TMEM201: variants seen among roughly 807,000 people sequenced by gnomAD.
TMEM201 encodes the protein transmembrane protein 201.
TMEM201 carries 26 observed loss-of-function variants against 63.4 expected under a neutral mutation model. The observed-to-expected ratio is 0.41, with a 90% CI of 0.30 to 0.57. The LOEUF is 0.57. Among genes scored for constraint, TMEM201 ranks in the 20% least tolerant of loss-of-function variants. TMEM201 has a pLI of 0.29. For missense variants in TMEM201, 794 were observed against 917.7 expected (o/e 0.87, Z 1.74); for synonymous variants, 417 against 421.6 (o/e 0.99, Z 0.14).
rs1643873646 is a variant in TMEM201 at position 9,588,971 on chromosome 1, C to T, written c.41C>T (p.Ala14Val). 1.6e-6 allele frequency: 2 copies of T among 1,246,802 alleles called. No individual in the cohort carries two copies. Among genetic ancestry groups the T allele is most frequent in the Non-Finnish European group, 1.0e-6 (1 of 979,254 alleles). The allele number at this position is 1,246,802 out of a possible 1,614,324, so 77.2% of individuals were successfully genotyped here. A position where few individuals can be genotyped will look rare whatever the true frequency, so the allele number is the denominator to read the frequency against. The change falls in exon 1 of 11, where the codon GCC becomes GTC. Residue 14 changes from alanine to valine, a missense_variant. Ala to Val is a moderately conservative substitution (Grantham distance 64). Transcript: ENST00000340381. The stretch of plus-strand genomic sequence containing the variant: ...GCGCTGCTGGCCCGCTGCCCCACGG[C>T]CGGCCTGGCCGGCGGCCTGGGGGTC... ...VSALLARCPTAGLAGGLGVTA... is the reference protein window; with the variant it reads ...VSALLARCPTVGLAGGLGVTA...
rs1314687478 is a variant in TMEM201 at position 9,608,572 on chromosome 1, G to A, written c.1393+783G>A. Among the ~76,000 whole-genome samples the A allele has an allele frequency of 4.6e-5, 7 of 152,228 alleles. No homozygotes were observed. Among genetic ancestry groups the A allele is most frequent in the South Asian group, 4.1e-4 (2 of 4,834 alleles). On this transcript the variant is annotated intron_variant, in intron 7 of 10. Transcript: ENST00000340381. The surrounding 1 kb of genome is among the most constrained non-coding windows in gnomAD (Gnocchi z 4.3). ...ATTTTCAGGGCACCCCAGCCTGGTG[G>A]CACTTGAATGGAACTTGGGGTGGGA... is the stretch of plus-strand genomic sequence containing the variant.
At position 9,603,373 on chromosome 1, in the gene TMEM201, C is replaced by T. The variant is rs746883595; in HGVS notation, c.1160+1101C>T. 4 of 985,372 alleles carry T rather than the reference C, an allele frequency of 4.1e-6. No homozygotes were observed. Among genetic ancestry groups the T allele is most frequent in the East Asian group, 1.1e-4 (1 of 8,810 alleles). The allele number at this position is 985,372 out of a possible 1,614,324, so 61.0% of individuals were successfully genotyped here. On this transcript the variant is annotated intron_variant, in intron 6 of 10. Transcript: ENST00000340381. The surrounding 1 kb of genome is among the most constrained non-coding windows in gnomAD (Gnocchi z 4.5). ...GCTCATGAGGACACACTCTGGAAGT[C>T]GAGGGGCTGCCACGTGCAGAGGAAG...
In TMEM201 at chr1:9,605,364, C is replaced by A. The variant is rs775817306; in HGVS notation, c.1161-2193C>A. On this transcript the variant is annotated intron_variant, in intron 6 of 10. Coordinates refer to ENST00000340381, the MANE Select transcript of TMEM201 (RefSeq NM_001130924.3). This position sits in a 1 kb window ranked among gnomAD's most constrained non-coding sequence, Gnocchi z 5.7. Reference sequence around the variant, plus strand: ...CAGGCCTGATCCTGGCCTCTTAGTCCCTCTCTGACACTCCCCAGAGCCAGC... The same window carrying A: ...CAGGCCTGATCCTGGCCTCTTAGTCACTCTCTGACACTCCCCAGAGCCAGC... 6.6e-6 allele frequency among the ~76,000 whole-genome samples: 1 copy of A among 152,146 alleles called. No homozygotes were observed. The highest frequency in any genetic ancestry group is 1.5e-5 in the Non-Finnish European group (1 of 68,024).
Position 9,589,022 on chromosome 1 carries a change from T to C in TMEM201, c.92T>C (p.Leu31Ser). The change falls in exon 1 of 11, where the codon TTG becomes TCG. Residue 31 changes from leucine to serine, a missense_variant. Coordinates refer to ENST00000340381, the MANE Select transcript of TMEM201 (RefSeq NM_001130924.3). ...ACGGCGTGCGCCGCGGCCGGCGTGT[T>C]GCTCTACCGGATCGCGCGGAGGTGA... ...GVTACAAAGV[L>S]LYRIARRMKP... The C allele has an allele frequency of 8.6e-7, 1 of 1,158,938 alleles. No individual in the cohort carries two copies. The highest frequency in any genetic ancestry group is 5.4e-5 in the East Asian group (1 of 18,468). The allele number at this position is 1,158,938 out of a possible 1,614,324, so 71.8% of individuals were successfully genotyped here. A position where few individuals can be genotyped will look rare whatever the true frequency, so the allele number is the denominator to read the frequency against.
intron 1 of TMEM201, among the ~76,000 whole-genome samples, chr1:9,594,032 C>T (rs931602629): frequency 2.0e-5 from 3 of 152,250 alleles, no homozygotes; most frequent in Non-Finnish European, 2.9e-5. Flanking sequence ...TTCATGTAGT[C>T]GGCGCCCGGT....
Position 9,604,651 on chromosome 1 carries a change from C to G in TMEM201, c.1160+2379C>G, listed in dbSNP as rs1429785696. 1 of 985,566 alleles carries G rather than the reference C, an allele frequency of 1.0e-6. No individual in the cohort carries two copies. Among genetic ancestry groups the G allele is most frequent in the Admixed American group, 6.1e-5 (1 of 16,266 alleles). 61.1% of individuals were successfully genotyped at this position (985,566 alleles called of 1,614,324 possible). A position where few individuals can be genotyped will look rare whatever the true frequency, so the allele number is the denominator to read the frequency against. On this transcript the variant is annotated intron_variant, in intron 6 of 10. Transcript: ENST00000340381. The surrounding 1 kb of genome is among the most constrained non-coding windows in gnomAD (Gnocchi z 4.1). ...CCCTGAGACATAAGCGAGGTAGATT[C>G]AGCCATCCTCACCCTCAGACTTGAG...
At chr1:9,598,948 C>CT (rs1244673235) in intron 4 of TMEM201, among the ~76,000 whole-genome samples, 419 of 145,438 alleles carry the variant, frequency 2.9e-3, no homozygotes, top group African/African-American at 9.1e-3. Flanking sequence ...TGCACCCGTC[C>CT]TTTTTTTTTT....
At position 9,604,539 on chromosome 1, in the gene TMEM201, A is replaced by G. The variant is rs1644207835; in HGVS notation, c.1160+2267A>G. On this transcript the variant is annotated intron_variant, in intron 6 of 10. Coordinates refer to ENST00000340381, the MANE Select transcript of TMEM201 (RefSeq NM_001130924.3). The surrounding 1 kb of genome is among the most constrained non-coding windows in gnomAD (Gnocchi z 4.1). ...TGACCGGGAATGTGTCACCCCTGCC[A>G]GGGAACTCTTCTCCTCGCGGGGGAC... The G allele has an allele frequency of 2.0e-6, 2 of 985,350 alleles. No homozygotes were observed. The highest frequency in any genetic ancestry group is 1.7e-5 in the African/African-American group (1 of 57,242). The allele number at this position is 985,350 out of a possible 1,614,324, so 61.0% of individuals were successfully genotyped here.
chr1:9,607,099 G>C lies in TMEM201; in HGVS notation c.1161-458G>C, dbSNP rs1222700146. ...CTTCCTATGATCCAGGCCCATCTGGGAGATGAGCCAGGATGTCCCTGAGCC... is the reference window on the plus strand; with the variant it reads ...CTTCCTATGATCCAGGCCCATCTGGCAGATGAGCCAGGATGTCCCTGAGCC... On this transcript the variant is annotated intron_variant, in intron 6 of 10. Transcript: ENST00000340381. This position sits in a 1 kb window ranked among gnomAD's most constrained non-coding sequence, Gnocchi z 5.4. Among the ~76,000 whole-genome samples the C allele has an allele frequency of 6.6e-6, 1 of 152,184 alleles. No individual in the cohort carries two copies. Among genetic ancestry groups the C allele is most frequent in the African/African-American group, 2.4e-5 (1 of 41,448 alleles).
Position 9,601,222 on chromosome 1 carries a change from C to A in TMEM201, c.724C>A (p.Pro242Thr), listed in dbSNP as rs1644134187. The change falls in exon 5 of 11, where the codon CCA becomes ACA. Residue 242 changes from proline to threonine, a missense_variant. Physicochemically the swap from Pro to Thr is conservative, Grantham distance 38. Coordinates refer to ENST00000340381, the MANE Select transcript of TMEM201 (RefSeq NM_001130924.3). ...ALYGASGHFA[P>T]GTTVPLALPP... Reference sequence around the variant, plus strand: ...GTATGGGGCCAGCGGACACTTCGCCCCAGGCACCACTGTGCCCCTGGCCCT... The same window carrying A: ...GTATGGGGCCAGCGGACACTTCGCCACAGGCACCACTGTGCCCCTGGCCCT... 1 of 1,612,084 alleles carries A rather than the reference C, an allele frequency of 6.2e-7. No individual in the cohort carries two copies. The highest frequency in any genetic ancestry group is 1.3e-5 in the African/African-American group (1 of 74,940).
In TMEM201 at chr1:9,603,762, A is replaced by G; in HGVS notation, c.1160+1490A>G. Reference sequence around the variant, plus strand: ...TTGGGTAGCAGCTCACATCCCACCCAGCTTCACAAGTGAGGAACCCAGGTG... The same window carrying G: ...TTGGGTAGCAGCTCACATCCCACCCGGCTTCACAAGTGAGGAACCCAGGTG... On this transcript the variant is annotated intron_variant, in intron 6 of 10. Coordinates refer to ENST00000340381, the MANE Select transcript of TMEM201 (RefSeq NM_001130924.3). This position sits in a 1 kb window ranked among gnomAD's most constrained non-coding sequence, Gnocchi z 4.5. The G allele has an allele frequency of 9.1e-6, 9 of 985,424 alleles. No homozygotes were observed. The highest frequency in any genetic ancestry group is 9.6e-6 in the Non-Finnish European group (8 of 829,930). 61.0% of individuals were successfully genotyped at this position (985,424 alleles called of 1,614,324 possible).
At position 9,604,792 on chromosome 1, in the gene TMEM201, C is replaced by T. The variant is rs1022578170; in HGVS notation, c.1160+2520C>T. The T allele has an allele frequency of 5.1e-5, 50 of 985,864 alleles. No homozygotes were observed. Among genetic ancestry groups the T allele is most frequent in the Admixed American group, 6.1e-5 (1 of 16,264 alleles). The allele number at this position is 985,864 out of a possible 1,614,324, so 61.1% of individuals were successfully genotyped here. A position where few individuals can be genotyped will look rare whatever the true frequency, so the allele number is the denominator to read the frequency against. On this transcript the variant is annotated intron_variant, in intron 6 of 10. Transcript: ENST00000340381. The surrounding 1 kb of genome is among the most constrained non-coding windows in gnomAD (Gnocchi z 4.1). The stretch of plus-strand genomic sequence containing the variant: ...GCCCTGCCCAGGAAGGAACACATGA[C>T]CCTTCTGTCTGTGACTGTTGCTGAG...
At chr1:9,601,650 C>G (rs796078151) in intron 5 of TMEM201, among the ~76,000 whole-genome samples, 196 bp downstream of exon 5, 1 of 152,204 alleles carries the variant, frequency 6.6e-6, no homozygotes, top group African/African-American at 2.4e-5. Flanking sequence ...GAGCCAGCCC[C>G]GTGCACACCC....
At position 9,605,859 on chromosome 1, in the gene TMEM201, C is replaced by T. The variant is rs138766024; in HGVS notation, c.1161-1698C>T. ...TGGGGCCAGGAGCTGCGTGGCCCAG[C>T]TGACCACCTCATACCCACAGCCCAC... On this transcript the variant is annotated intron_variant, in intron 6 of 10. Coordinates refer to ENST00000340381, the MANE Select transcript of TMEM201 (RefSeq NM_001130924.3). The surrounding 1 kb of genome is among the most constrained non-coding windows in gnomAD (Gnocchi z 5.7). Among the ~76,000 whole-genome samples, 1,115 of 152,358 alleles carry T rather than the reference C, an allele frequency of 7.3e-3. 8 individuals carry two copies. The highest frequency in any genetic ancestry group is 0.012 in the Non-Finnish European group (823 of 68,030).
chr1:9,607,877 G>A lies in TMEM201; in HGVS notation c.1393+88G>A, dbSNP rs987804281. The A allele has an allele frequency of 9.4e-6, 12 of 1,280,756 alleles. No individual in the cohort carries two copies. Among genetic ancestry groups the A allele is most frequent in the East Asian group, 5.1e-5 (2 of 39,170 alleles). 79.3% of individuals were successfully genotyped at this position (1,280,756 alleles called of 1,614,324 possible). ...ATGGGTACATAGTGTAGGGAGGGCC[G>A]GGAGTGGTTAGTGTTCCTGCTGCAG... is the stretch of plus-strand genomic sequence containing the variant. On this transcript the variant is annotated intron_variant, in intron 7 of 10. Transcript: ENST00000340381. This position sits in a 1 kb window ranked among gnomAD's most constrained non-coding sequence, Gnocchi z 5.4.
chr1:9,610,489 T>G lies in TMEM201; in HGVS notation c.1466-17T>G. On this transcript the variant is annotated splice_polypyrimidine_tract_variant and intron_variant, in intron 8 of 10. Coordinates refer to ENST00000340381, the MANE Select transcript of TMEM201 (RefSeq NM_001130924.3). This position sits in a 1 kb window ranked among gnomAD's most constrained non-coding sequence, Gnocchi z 4.9. ...GACAGGAGCCCACGTTCACATCATC[T>G]TCCTCCCTCCCTCCAGATTACTTCT... is the stretch of plus-strand genomic sequence containing the variant. The G allele has an allele frequency of 6.7e-7, 1 of 1,500,522 alleles. No homozygotes were observed. The highest frequency in any genetic ancestry group is 8.9e-7 in the Non-Finnish European group (1 of 1,119,578). 93.0% of individuals were successfully genotyped at this position (1,500,522 alleles called of 1,614,324 possible).
At chr1:9,599,188 C>G (rs1294377684) in intron 4 of TMEM201, among the ~76,000 whole-genome samples, 2 of 151,888 alleles carry the variant, frequency 1.3e-5, no homozygotes, top group African/African-American at 4.8e-5. Flanking sequence ...GATCCTCCCA[C>G]TTTGGCCTCC....
rs1437997939 is a variant in TMEM201 at position 9,613,990 on chromosome 1, C to T, written c.*907C>T. The T allele has an allele frequency of 2.0e-5, 3 of 152,340 alleles. No homozygotes were observed. The highest frequency in any genetic ancestry group is 6.5e-5 in the Admixed American group (1 of 15,284). The allele number at this position is 152,340 out of a possible 1,614,324, so 9.4% of individuals were successfully genotyped here. On this transcript the variant is annotated 3_prime_UTR_variant, in exon 11 of 11. Coordinates refer to ENST00000340381, the MANE Select transcript of TMEM201 (RefSeq NM_001130924.3). ...TCTGCCCAGGAGCCCCTGAGAACCC[C>T]ATCTTCCCCTGGTTCTCTTGCCCAC...
At chr1:9,596,453 G>A (rs1293199690) in intron 2 of TMEM201, among the ~76,000 whole-genome samples, 6 of 152,252 alleles carry the variant, frequency 3.9e-5, no homozygotes, top group Admixed American at 3.9e-4. Context: ...ATACAAGAGT[G>A]AATTAGCCTG....
Sources: gnomAD v4.1 joint callset for allele counts (sites outside exome capture counted in the v4.1 genomes callset) on GRCh38, gnomAD v4.1.1 for gene constraint, Gnocchi (gnomAD v3.1) non-coding constraint, MANE v1.5 for transcripts, NCBI Gene and HGNC (gene_info 2026-07-23, HGNC 2026-07-21) for gene names.